The following ZNF536 variants were observed in gnomAD, a reference collection of about 807,000 sequenced individuals.
The protein encoded by ZNF536 is zinc finger protein 536.
A neutral mutation model predicts 84.5 loss-of-function variants in ZNF536; 13 were observed. The ratio of observed to expected loss-of-function variants is 0.15; its 90% confidence interval spans 0.10 to 0.24. The LOEUF (loss-of-function observed/expected upper bound fraction) is 0.24. ZNF536 is among the 10% of genes least tolerant of loss of function. The pLI, the probability that ZNF536 is intolerant of heterozygous loss-of-function variation, is 1.00. For synonymous variants in ZNF536, 811 were observed against 742.5 expected (o/e 1.09, Z -1.50); for missense variants, 1,536 against 1,747.5 (o/e 0.88, Z 2.16).
intron 1 of ZNF536, among the ~76,000 whole-genome samples, chr19:30,700,335 C>G (rs951819086): frequency 7.1e-6 from 1 of 140,318 alleles, no homozygotes; most frequent in African/African-American, 2.7e-5. Flanking sequence ...CCTCCTTCCT[C>G]CCTCCCTCCC....
At chr19:30,534,755 CATGTTTAACT>C in intron 2 of ZNF536, 82 bp from the exon 3 acceptor site, 1 of 1,341,710 alleles carries the variant, frequency 7.5e-7, no homozygotes, top group Non-Finnish European at 1.0e-6. Context: ...GTAGTATTGA[CATGTTTAACT>C]TTGTGTGGTG....
intron 1 of ZNF536, among the ~76,000 whole-genome samples, chr19:30,574,535 A>G (rs1414325679): frequency 6.6e-6 from 1 of 152,262 alleles, no homozygotes; most frequent in African/African-American, 2.4e-5. Context: ...AGGTCCAGCC[A>G]AAGACATTGG....
intron 2 of ZNF536, among the ~76,000 whole-genome samples, chr19:30,499,305 CTA>C (rs1407808712): frequency 5.3e-5 from 8 of 151,972 alleles, no homozygotes; most frequent in Non-Finnish European, 1.0e-4. Context: ...ATCTATGTAT[CTA>C]TGTGTGTAAG....
intron 1 of ZNF536, among the ~76,000 whole-genome samples, chr19:30,246,533 T>A (rs187274699): frequency 6.6e-6 from 1 of 152,362 alleles, no homozygotes; most frequent in African/African-American, 2.4e-5. Flanking sequence ...TTGTTCTTTT[T>A]CTTCCCATAG....
intron 2 of ZNF536, among the ~76,000 whole-genome samples, chr19:30,291,058 T>C (rs1369086271): frequency 2.0e-5 from 3 of 152,238 alleles, no homozygotes; most frequent in Admixed American, 6.5e-5. Context: ...ATGGTGTATA[T>C]GCACCACATT....
intron 1 of ZNF536, among the ~76,000 whole-genome samples, chr19:30,609,096 T>C (rs1272719272): frequency 6.6e-6 from 1 of 152,228 alleles, no homozygotes; most frequent in African/African-American, 2.4e-5. Flanking sequence ...TAGACTATCA[T>C]TGCATTTTCT....
chr19:30,632,593 G>A (rs1402868716), intron 1 of ZNF536, among the ~76,000 whole-genome samples: 1 of 152,040 alleles, frequency 6.6e-6, no homozygotes, highest in East Asian at 1.9e-4. Flanking sequence ...GCAACAGAAC[G>A]AGAATCCATC....
rs76871317 is a variant in ZNF536 at position 30,605,763 on chromosome 19, G to T, written c.169+56249G>T. Among the ~76,000 whole-genome samples the T allele has an allele frequency of 1.4e-3, 207 of 152,260 alleles. 1 individual carries two copies. The highest frequency in any genetic ancestry group is 4.8e-3 in the African/African-American group (201 of 41,538). Reference sequence around the variant, plus strand: ...TTTTAGTTCTTTAAGGAAGCTGCAGGATGTTTTTTGACATCACTGTATCTT... The same window carrying T: ...TTTTAGTTCTTTAAGGAAGCTGCAGTATGTTTTTTGACATCACTGTATCTT... On this transcript the variant is annotated intron_variant, in intron 1 of 1. Coordinates refer to the ZNF536 transcript ENST00000592773.
intron 1 of ZNF536, among the ~76,000 whole-genome samples, chr19:30,435,977 T>C (rs987373492): frequency 3.9e-5 from 6 of 152,340 alleles, no homozygotes; most frequent in Middle Eastern, 6.8e-3. Flanking sequence ...TTTGAGAATT[T>C]TGAAGTCATC....
At chr19:30,568,046 G>A (rs749055568) in intron 1 of ZNF536, among the ~76,000 whole-genome samples, 15 of 152,166 alleles carry the variant, frequency 9.9e-5, no homozygotes, top group Non-Finnish European at 4.4e-5. Context: ...AAAACATATG[G>A]TGCCTGTACC....
At chr19:30,417,450 A>T (rs1365112293) in intron 1 of ZNF536, among the ~76,000 whole-genome samples, 2 of 152,122 alleles carry the variant, frequency 1.3e-5, no homozygotes, top group Non-Finnish European at 2.9e-5. Context: ...GCAGAGAAGG[A>T]GGGTGAATGT....
At chr19:30,475,166 C>G (rs1021299536) in intron 2 of ZNF536, among the ~76,000 whole-genome samples, 1 of 152,146 alleles carries the variant, frequency 6.6e-6, no homozygotes, top group African/African-American at 2.4e-5. Flanking sequence ...CTGCAACCTT[C>G]GTCTCCCAGG....
intron 1 of ZNF536, among the ~76,000 whole-genome samples, chr19:30,611,406 T>G (rs1267259593): frequency 3.3e-5 from 5 of 152,174 alleles, no homozygotes; most frequent in Non-Finnish European, 7.3e-5. Context: ...TTATACTCCT[T>G]ATTATATTGC....
At chr19:30,610,396 A>C (rs1313422648) in intron 1 of ZNF536, among the ~76,000 whole-genome samples, 1 of 152,020 alleles carries the variant, frequency 6.6e-6, no homozygotes, top group Non-Finnish European at 1.5e-5. Context: ...TTTGGGGATT[A>C]CTTCAGATCC....
intron 1 of ZNF536, among the ~76,000 whole-genome samples, chr19:30,283,216 T>C (rs747645530): frequency 3.3e-5 from 5 of 152,246 alleles, no homozygotes; most frequent in African/African-American, 4.8e-5. Flanking sequence ...AGGGAACTTA[T>C]GTTTGCCCCA....
chr19:30,500,199 G>C (rs1252280401), intron 2 of ZNF536, among the ~76,000 whole-genome samples: 1 of 152,224 alleles, frequency 6.6e-6, no homozygotes, highest in Non-Finnish European at 1.5e-5. Flanking sequence ...GGGTACCCCA[G>C]ATTCTAGAAT....
At chr19:30,667,915 G>T (rs973963697) in intron 1 of ZNF536, among the ~76,000 whole-genome samples, 2 of 152,040 alleles carry the variant, frequency 1.3e-5, no homozygotes, top group African/African-American at 4.8e-5. Context: ...TCATCGATGG[G>T]GAAACGCAGG....
intron 2 of ZNF536, among the ~76,000 whole-genome samples, chr19:30,462,911 G>A (rs549848488): frequency 6.8e-6 from 1 of 146,942 alleles, no homozygotes; most frequent in South Asian, 2.3e-4. Flanking sequence ...GCATGGGATG[G>A]GTGTGTGTTG....
At chr19:30,433,196 C>T (rs956831639) in intron 1 of ZNF536, among the ~76,000 whole-genome samples, 3 of 152,188 alleles carry the variant, frequency 2.0e-5, no homozygotes, top group African/African-American at 7.2e-5. Flanking sequence ...CCTCAAGGCT[C>T]GGCCAAGGCC....
Sources: gnomAD v4.1 joint callset for allele counts (sites outside exome capture counted in the v4.1 genomes callset) on GRCh38, gnomAD v4.1.1 for gene constraint, MANE v1.5 for transcripts, NCBI Gene and HGNC (gene_info 2026-07-23, HGNC 2026-07-21) for gene names.